The following HNMT variants were observed in gnomAD, a reference collection of about 807,000 sequenced individuals.
The protein encoded by HNMT is histamine N-methyltransferase.
Under a neutral mutation model 32.1 loss-of-function variants are expected in HNMT, and 30 were observed. The ratio of observed to expected loss-of-function variants is 0.93; its 90% CI spans 0.70 to 1.27. HNMT has a LOEUF of 1.27. Among genes scored for constraint, HNMT ranks in the 50% most tolerant of loss-of-function variants. HNMT has a pLI of 0.00. For synonymous variants in HNMT, 125 were observed against 119.0 expected (o/e 1.05, Z -0.33); for missense variants, 327 against 346.0 (o/e 0.95, Z 0.43).
At chr2:138,003,789 CCTT>C (rs1681253870) in intron 4 of HNMT, among the ~76,000 whole-genome samples, 2 of 152,098 alleles carry the variant, frequency 1.3e-5, no homozygotes, top group Non-Finnish European at 2.9e-5. Flanking sequence ...TGCATCATCT[CCTT>C]CTTCCATCTT....
chr2:138,000,901 A>G lies in HNMT; in HGVS notation c.191-17A>G, dbSNP rs563190271. The stretch of plus-strand genomic sequence containing the variant: ...TTGCTGGAATGATGTGACCTGTCCC[A>G]TATGTTTATCTTCTAGGTGAAATTG... On this transcript the variant is annotated splice_polypyrimidine_tract_variant and intron_variant, in intron 2 of 5. Coordinates refer to ENST00000280097, the MANE Select transcript of HNMT (RefSeq NM_006895.3). 5.0e-5 allele frequency: 71 copies of G among 1,426,922 alleles called. No homozygotes were observed. Among genetic ancestry groups the G allele is most frequent in the Non-Finnish European group, 6.5e-5 (66 of 1,017,368 alleles). The allele number at this position is 1,426,922 out of a possible 1,614,324, so 88.4% of individuals were successfully genotyped here.
At chr2:138,010,421 G>C (rs941424151) in intron 5 of HNMT, among the ~76,000 whole-genome samples, 3 of 133,578 alleles carry the variant, frequency 2.2e-5, no homozygotes, top group Non-Finnish European at 3.2e-5. Flanking sequence ...GGAATAAAAG[G>C]CTCAATAAAA....
At chr2:137,968,381 A>G (rs1418988964) in intron 1 of HNMT, among the ~76,000 whole-genome samples, 1 of 152,224 alleles carries the variant, frequency 6.6e-6, no homozygotes, top group Non-Finnish European at 1.5e-5. Flanking sequence ...AATCACTTAC[A>G]TGTACCTAGA....
At chr2:138,013,602 T>C (rs958050810) in intron 5 of HNMT, among the ~76,000 whole-genome samples, 173 bp from the exon 6 acceptor site, 3 of 152,196 alleles carry the variant, frequency 2.0e-5, no homozygotes, top group Non-Finnish European at 4.4e-5. Context: ...CATTTAGCAT[T>C]TATCACCATA....
chr2:137,976,739 G>A (rs970941329), intron 2 of HNMT, among the ~76,000 whole-genome samples: 13 of 152,266 alleles, frequency 8.5e-5, no homozygotes, highest in African/African-American at 3.1e-4. Flanking sequence ...CACAGTTATA[G>A]TTTGGGGCAT....
chr2:138,010,887 G>C (rs1681482977), intron 5 of HNMT, among the ~76,000 whole-genome samples: 1 of 152,062 alleles, frequency 6.6e-6, no homozygotes, highest in African/African-American at 2.4e-5. Context: ...GAGGGTTGCT[G>C]TTTAAAAGGC....
chr2:138,000,707 T>C (rs1353206445), intron 2 of HNMT, among the ~76,000 whole-genome samples: 4 of 152,138 alleles, frequency 2.6e-5, no homozygotes, highest in African/African-American at 9.6e-5. Context: ...TGTAAACGAA[T>C]GGATGGCACT....
intron 2 of HNMT, among the ~76,000 whole-genome samples, chr2:137,996,667 G>C (rs1165124360): frequency 6.6e-6 from 1 of 151,988 alleles, no homozygotes; most frequent in Non-Finnish European, 1.5e-5. Context: ...ATTAGAAAAA[G>C]TTATTTTAAA....
intron 2 of HNMT, among the ~76,000 whole-genome samples, chr2:137,979,644 C>T (rs185281020): frequency 1.4e-4 from 22 of 152,084 alleles, no homozygotes; most frequent in African/African-American, 5.3e-4. Context: ...ATAGCCACTA[C>T]AAATAACACA....
At chr2:137,985,305 A>C (rs543305191) in intron 2 of HNMT, among the ~76,000 whole-genome samples, 1 of 152,320 alleles carries the variant, frequency 6.6e-6, no homozygotes, top group East Asian at 1.9e-4. Context: ...TCAACAATGC[A>C]AGTGGAAGTG....
chr2:138,006,745 CTA>C (rs1162375974), intron 5 of HNMT, among the ~76,000 whole-genome samples: 3 of 151,972 alleles, frequency 2.0e-5, no homozygotes, highest in African/African-American at 7.2e-5. Flanking sequence ...GCACTTTTAA[CTA>C]TGTGAATTTG....
Position 137,978,409 on chromosome 2 carries a change from G to A in HNMT, c.190+8192G>A, listed in dbSNP as rs1336233165. Among the ~76,000 whole-genome samples the A allele has an allele frequency of 2.8e-5, 4 of 142,616 alleles. No homozygotes were observed. In the Admixed American group the frequency reaches 2.8e-4, roughly 10 times the overall value. The allele number at this position is 142,616 out of a possible 152,430, so 93.6% of individuals were successfully genotyped here. A position where few individuals can be genotyped will look rare whatever the true frequency, so the allele number is the denominator to read the frequency against. On this transcript the variant is annotated intron_variant, in intron 2 of 5. Coordinates refer to ENST00000280097, the MANE Select transcript of HNMT (RefSeq NM_006895.3). ...TAATATAGTATTATACAATACATATGATTATATAATATAGTATTATATACA... is the reference window on the plus strand; with the variant it reads ...TAATATAGTATTATACAATACATATAATTATATAATATAGTATTATATACA...
Position 138,000,920 on chromosome 2 carries a change from G to T in HNMT, c.193G>T (p.Glu65Ter). 6.3e-7 allele frequency: 1 copy of T among 1,577,822 alleles called. No individual in the cohort carries two copies. Among genetic ancestry groups the T allele is most frequent in the African/African-American group, 1.4e-5 (1 of 73,870 alleles). The change falls in exon 3 of 6, where the codon GAA becomes TAA. Residue 65 changes from glutamate (E) to a stop codon, truncating the protein, a stop_gained and splice_region_variant. Transcript: ENST00000280097. LOFTEE classifies it high-confidence loss of function. Reference protein sequence around the residue: ...KILSIGGGAGEIDLQILSKVQ... With the variant: ...KILSIGGGAG The stretch of plus-strand genomic sequence containing the variant: ...TGTCCCATATGTTTATCTTCTAGGT[G>T]AAATTGATCTTCAAATTCTCTCCAA...
intron 2 of HNMT, among the ~76,000 whole-genome samples, chr2:137,999,971 C>T (rs1485447561): frequency 1.3e-5 from 2 of 151,350 alleles, no homozygotes; most frequent in African/African-American, 4.9e-5. Context: ...AAGTCGTATA[C>T]ACCGAGTAAG....
At chr2:137,996,799 G>T (rs1681010620) in intron 2 of HNMT, among the ~76,000 whole-genome samples, 1 of 152,164 alleles carries the variant, frequency 6.6e-6, no homozygotes, top group Non-Finnish European at 1.5e-5. Flanking sequence ...AACCAAAACA[G>T]CATGGTACTG....
In HNMT at chr2:138,014,922, G is replaced by A. The variant is rs967965612; in HGVS notation, c.*792G>A. The A allele has an allele frequency of 5.9e-5, 9 of 151,888 alleles. No homozygotes were observed. Among genetic ancestry groups the A allele is most frequent in the Non-Finnish European group, 1.0e-4 (7 of 67,926 alleles). 9.4% of individuals were successfully genotyped at this position (151,888 alleles called of 1,614,324 possible). A position where few individuals can be genotyped will look rare whatever the true frequency, so the allele number is the denominator to read the frequency against. On this transcript the variant is annotated 3_prime_UTR_variant, in exon 6 of 6. Transcript: ENST00000280097. ...TGAAATTTAGATAAGTATAAACAGTGAGAACAAACTGTTTCCCCTCAAAAT... is the reference window on the plus strand; with the variant it reads ...TGAAATTTAGATAAGTATAAACAGTAAGAACAAACTGTTTCCCCTCAAAAT...
chr2:137,969,155 C>T (rs1025939511), intron 1 of HNMT, among the ~76,000 whole-genome samples: 4 of 152,192 alleles, frequency 2.6e-5, no homozygotes, highest in Non-Finnish European at 5.9e-5. Flanking sequence ...TTCTCTGCCT[C>T]CAATTACTCT....
In HNMT at chr2:138,013,774, G is replaced by A. The variant is rs1339098532; in HGVS notation, c.524-1G>A. Reference sequence around the variant, plus strand: ...AGCATGACTTGTGTTTTATTGCACAGGAAGCAGTGGCTGGGACAAGCTGTG... The same window carrying A: ...AGCATGACTTGTGTTTTATTGCACAAGAAGCAGTGGCTGGGACAAGCTGTG... On this transcript the variant is annotated splice_acceptor_variant, in intron 5 of 5. Coordinates refer to ENST00000280097, the MANE Select transcript of HNMT (RefSeq NM_006895.3). LOFTEE classifies it high-confidence loss of function. 6.2e-7 allele frequency: 1 copy of A among 1,608,188 alleles called. No individual in the cohort carries two copies. The highest frequency in any genetic ancestry group is 8.5e-7 in the Non-Finnish European group (1 of 1,175,772).
intron 2 of HNMT, among the ~76,000 whole-genome samples, chr2:137,970,696 G>A (rs550011716): frequency 5.7e-4 from 86 of 152,102 alleles, no homozygotes; most frequent in Admixed American, 1.6e-3. Flanking sequence ...TGAGGGGGGC[G>A]GATCACGAGG....
Sources: gnomAD v4.1 joint callset for allele counts (sites outside exome capture counted in the v4.1 genomes callset) on GRCh38, gnomAD v4.1.1 for gene constraint, MANE v1.5 for transcripts, NCBI Gene and HGNC (gene_info 2026-07-23, HGNC 2026-07-21) for gene names.